SCN10A: variants seen among roughly 807,000 people sequenced by gnomAD.
The protein encoded by SCN10A is sodium channel protein type 10 subunit alpha.
In SCN10A, 162 loss-of-function variants were observed where a neutral mutation model predicts 170.7. That is an observed-to-expected ratio of 0.95 (90% CI 0.84 to 1.08). The LOEUF is 1.08. Among genes scored for constraint, SCN10A ranks in the 50% least tolerant of loss-of-function variants. The pLI is 0.00. For synonymous variants in SCN10A, 985 were observed against 904.6 expected, an observed-to-expected ratio of 1.09 and a Z score of -1.59; for missense variants, 2,527 against 2,436.9, an observed-to-expected ratio of 1.04 and a Z score of -0.78.
In SCN10A at chr3:38,714,050, G is replaced by C. The variant is rs960602539; in HGVS notation, c.3712C>G (p.Leu1238Val). The stretch of plus-strand genomic sequence containing the variant: ...ATGGGAGCCACTTCAGAATATTCCA[G>C]AATCTTCGCTGTGAGACTTATCAGT... ...ISLISLTAKI[L>V]EYSEVAPIKA... The change falls in exon 22 of 28, where the codon CTG becomes GTG. Residue 1238 changes from leucine to valine, a missense_variant. Transcript: ENST00000449082. 1.7e-5 allele frequency: 28 copies of C among 1,614,076 alleles called. No individual in the cohort carries two copies. The African/African-American group carries it at 2.9e-4, about 17-fold the overall frequency.
rs145106473 is a variant in SCN10A at position 38,727,171 on chromosome 3, C to T, written c.2641-119G>A. 4.5e-3 allele frequency: 3,917 copies of T among 874,994 alleles called. 19 individuals carry two copies. Among genetic ancestry groups the T allele is most frequent in the Non-Finnish European group, 5.4e-3 (3,086 of 567,566 alleles). The allele number at this position is 874,994 out of a possible 1,614,324, so 54.2% of individuals were successfully genotyped here. A position where few individuals can be genotyped will look rare whatever the true frequency, so the allele number is the denominator to read the frequency against. The stretch of plus-strand genomic sequence containing the variant: ...CGGCCTGGGCCTCTTCCTGCCCACC[C>T]GGGATGCTGTCCCTTTTGGGGGAAT... On this transcript the variant is annotated intron_variant, in intron 16 of 27. Transcript: ENST00000449082.
intron 4 of SCN10A, among the ~76,000 whole-genome samples, chr3:38,782,382 C>T (rs925587956): frequency 6.6e-6 from 1 of 152,070 alleles, no homozygotes; most frequent in Non-Finnish European, 1.5e-5. Flanking sequence ...AAACCCTGAT[C>T]TGCTAAGTGA....
At chr3:38,737,798 C>CTCTTTCTTTTTCTTTCTT (rs1553618374) in intron 15 of SCN10A, among the ~76,000 whole-genome samples, 14 of 93,608 alleles carry the variant, frequency 1.5e-4, no homozygotes, top group Admixed American at 3.7e-4. Flanking sequence ...CCCTCCCTTC[C>CTCTTTCTTTTTCTTTCTT]TCTTTCTTTC....
chr3:38,740,482 T>C (rs2063619160), intron 14 of SCN10A, among the ~76,000 whole-genome samples: 1 of 151,810 alleles, frequency 6.6e-6, no homozygotes, highest in African/African-American at 2.4e-5. Context: ...AGGCTGAGAG[T>C]TTAAGTGACT....
intron 3 of SCN10A, among the ~76,000 whole-genome samples, chr3:38,791,244 G>A (rs900751061): frequency 6.6e-6 from 1 of 152,164 alleles, no homozygotes; most frequent in Non-Finnish European, 1.5e-5. Context: ...GATGACCAAG[G>A]ATCTTAGGTC....
In SCN10A at chr3:38,788,997, AT is replaced by A; in HGVS notation, c.428del (p.Asn143IlefsTer5). 1 of 1,612,366 alleles carries A rather than the reference AT, an allele frequency of 6.2e-7. No homozygotes were observed. Among genetic ancestry groups the A allele is most frequent in the Non-Finnish European group, 8.5e-7 (1 of 1,178,648 alleles). ...SLFITVTILV[N>X]CVCMTRTDLP... is the part of the protein sequence containing the mutation. ...GGTCAGTTCGGGTCATGCACACACA[AT>A]TAACCAAAATAGTGACCGTAATAAA... On this transcript the variant is annotated frameshift_variant, in exon 4 of 28. Coordinates refer to ENST00000449082, the MANE Select transcript of SCN10A (RefSeq NM_006514.4). LOFTEE classifies it high-confidence loss of function.
chr3:38,789,740 A>G, intron 3 of SCN10A, among the ~76,000 whole-genome samples: 1 of 152,120 alleles, frequency 6.6e-6, no homozygotes, highest in South Asian at 2.1e-4. Flanking sequence ...TATTGACAGC[A>G]GACTATGGGC....
chr3:38,796,868 A>G (rs1460104794), intron 1 of SCN10A, among the ~76,000 whole-genome samples: 1 of 152,134 alleles, frequency 6.6e-6, no homozygotes, highest in African/African-American at 2.4e-5. Context: ...TTGTAAGCTC[A>G]GTGAGAGCTG....
chr3:38,709,033 T>C (rs1203653420), intron 25 of SCN10A, among the ~76,000 whole-genome samples: 1 of 152,186 alleles, frequency 6.6e-6, no homozygotes, highest in Non-Finnish European at 1.5e-5. Context: ...TCGGCACCCT[T>C]GGAGGCACAA....
chr3:38,729,452 A>G (rs923398483), intron 15 of SCN10A, among the ~76,000 whole-genome samples: 2 of 152,146 alleles, frequency 1.3e-5, no homozygotes, highest in Non-Finnish European at 2.9e-5. Context: ...CTCAGCATTC[A>G]TAAGTTGATT....
intron 15 of SCN10A, among the ~76,000 whole-genome samples, chr3:38,737,005 G>A (rs1292084602): frequency 1.3e-5 from 1 of 79,012 alleles, no homozygotes; most frequent in Non-Finnish European, 2.4e-5. Context: ...GAGTCCCGCT[G>A]TTTAGCCCAG....
intron 27 of SCN10A, among the ~76,000 whole-genome samples, chr3:38,701,551 T>C (rs2063156282): frequency 6.6e-6 from 1 of 152,194 alleles, no homozygotes; most frequent in Non-Finnish European, 1.5e-5. Context: ...GGAGGAGTGA[T>C]TATTCCCTGT....
At chr3:38,786,419 G>A (rs1006403285) in intron 4 of SCN10A, among the ~76,000 whole-genome samples, 9 of 152,010 alleles carry the variant, frequency 5.9e-5, no homozygotes, top group Non-Finnish European at 1.0e-4. Context: ...ATAGGTGGGA[G>A]ATGAACAATG....
chr3:38,779,288 C>G (rs1329384022), intron 4 of SCN10A, among the ~76,000 whole-genome samples: 1 of 152,018 alleles, frequency 6.6e-6, no homozygotes, highest in Non-Finnish European at 1.5e-5. Flanking sequence ...TTCTATAAAA[C>G]AGCTGCTGCT....
At chr3:38,733,148 T>G (rs1183175232) in intron 15 of SCN10A, among the ~76,000 whole-genome samples, 1 of 152,214 alleles carries the variant, frequency 6.6e-6, no homozygotes, top group East Asian at 1.9e-4. Context: ...TTTGAAGTAA[T>G]TGTATTGTGA....
intron 1 of SCN10A, among the ~76,000 whole-genome samples, chr3:38,799,731 T>TA (rs113522324): frequency 0.11 from 16,522 of 152,182 alleles, 983 homozygotes; most frequent in South Asian, 0.2. Context: ...AGTTTTTCTT[T>TA]AAAAAAATCA....
intron 4 of SCN10A, among the ~76,000 whole-genome samples, chr3:38,788,627 G>T (rs111791003): frequency 1.9e-4 from 22 of 118,778 alleles, no homozygotes; most frequent in African/African-American, 3.1e-4. Flanking sequence ...TGTTGGGGGG[G>T]GGTGGGGGCG....
rs1553618231 is a variant in SCN10A at position 38,736,969 on chromosome 3, T to TTTTG, written c.2280+2545_2280+2546insCAAA. ...AAGTGTAGCAGAAATGTTCGTTTTT[T>TTTTG]TTTTTTTTTTTTTTTTTTTGAGACG... On this transcript the variant is annotated intron_variant, in intron 15 of 27. Coordinates refer to ENST00000449082, the MANE Select transcript of SCN10A (RefSeq NM_006514.4). Among the ~76,000 whole-genome samples, 3 of 91,884 alleles carry TTTTG rather than the reference T, an allele frequency of 3.3e-5. 1 individual carries two copies. Among genetic ancestry groups the TTTTG allele is most frequent in the Non-Finnish European group, 6.7e-5 (3 of 44,708 alleles). 60.3% of individuals were successfully genotyped at this position (91,884 alleles called of 152,430 possible).
chr3:38,701,911 C>T lies in SCN10A; in HGVS notation c.4585G>A (p.Ala1529Thr), dbSNP rs757916036. 45 of 1,614,004 alleles carry T rather than the reference C, an allele frequency of 2.8e-5. No homozygotes were observed. The Middle Eastern group carries it at 4.9e-4, about 18-fold the overall frequency. ...TTTGTGAAGTAGTACTGCCTCAAAG[C>T]GAACATCTTCATGACACATTCGCCT... is the stretch of plus-strand genomic sequence containing the variant. ...FTGECVMKMFALRQYYFTNGW... is the reference protein window; with the variant it reads ...FTGECVMKMFTLRQYYFTNGW... The change falls in exon 27 of 28, where the codon GCT becomes ACT. Residue 1529 changes from alanine (A) to threonine (T), a missense_variant. Ala to Thr is a moderately conservative substitution (Grantham distance 58). Transcript: ENST00000449082.
Sources: allele counts gnomAD v4.1 joint callset (sites outside exome capture counted in the v4.1 genomes callset), GRCh38; gene constraint gnomAD v4.1.1; transcripts MANE v1.5; gene names NCBI Gene and HGNC (gene_info 2026-07-23, HGNC 2026-07-21).